SCIN: variants seen among roughly 807,000 people sequenced by gnomAD.
The protein encoded by SCIN is adseverin.
Under a neutral mutation model 91.8 loss-of-function variants are expected in SCIN, and 91 were observed. That is an observed-to-expected ratio of 0.99 (90% CI 0.84 to 1.18). The LOEUF (loss-of-function observed/expected upper bound fraction) is 1.18. Among genes scored for constraint, SCIN ranks in the 50% most tolerant of loss-of-function variants. SCIN has a pLI of 0.00. For synonymous variants in SCIN, 367 were observed against 312.6 expected (o/e 1.17, Z -1.84); for missense variants, 1,087 against 863.9 (o/e 1.26, Z -3.24).
Position 12,654,882 on chromosome 7 carries a change from T to C in SCIN, c.*2167T>C, listed in dbSNP as rs779793186. The stretch of plus-strand genomic sequence containing the variant: ...GCAGGGTTTTAACCTGCCCAAAGGA[T>C]GGAAAAAGAAGAACATAAGCATAAT... On this transcript the variant is annotated 3_prime_UTR_variant, in exon 16 of 16. Coordinates refer to ENST00000297029, the MANE Select transcript of SCIN (RefSeq NM_001112706.3). The C allele has an allele frequency of 6.6e-6, 1 of 152,112 alleles. No homozygotes were observed. Among genetic ancestry groups the C allele is most frequent in the East Asian group, 1.9e-4 (1 of 5,192 alleles). 9.4% of individuals were successfully genotyped at this position (152,112 alleles called of 1,614,324 possible).
chr7:12,576,566 G>A (rs1015452341), intron 1 of SCIN, among the ~76,000 whole-genome samples: 1 of 152,128 alleles, frequency 6.6e-6, no homozygotes, highest in Non-Finnish European at 1.5e-5. Flanking sequence ...TTATGCATCA[G>A]TTATCTATGG....
At position 12,603,643 on chromosome 7, in the gene SCIN, T is replaced by A. The variant is rs576516970; in HGVS notation, c.517-871T>A. On this transcript the variant is annotated intron_variant, in intron 3 of 15. Transcript: ENST00000297029. ...ATTTTACGTTTGTATCCTTATACCTTCTGGACACTATACCAAAATCTACAA... is the reference window on the plus strand; with the variant it reads ...ATTTTACGTTTGTATCCTTATACCTACTGGACACTATACCAAAATCTACAA... 2.0e-5 allele frequency among the ~76,000 whole-genome samples: 3 copies of A among 152,268 alleles called. No homozygotes were observed. The South Asian group carries it at 6.2e-4, about 32-fold the overall frequency.
At chr7:12,607,660 T>C (rs1234062494) in intron 4 of SCIN, among the ~76,000 whole-genome samples, 1 of 152,218 alleles carries the variant, frequency 6.6e-6, no homozygotes, top group Non-Finnish European at 1.5e-5. Context: ...ATACTACATT[T>C]TATTTGACTG....
chr7:12,574,376 G>A lies in SCIN; in HGVS notation c.199+3391G>A, dbSNP rs1782327697. ...GGCATTGCCGTTGGTTACAGATAGG[G>A]TGAAGAGGGGATGATGTGGGCAGGA... On this transcript the variant is annotated intron_variant, in intron 1 of 15. Coordinates refer to ENST00000297029, the MANE Select transcript of SCIN (RefSeq NM_001112706.3). Among the ~76,000 whole-genome samples, 4 of 152,128 alleles carry A rather than the reference G, an allele frequency of 2.6e-5. No homozygotes were observed. The South Asian group carries it at 8.3e-4, about 31-fold the overall frequency.
chr7:12,627,709 C>T (rs185918968), intron 8 of SCIN, among the ~76,000 whole-genome samples: 213 of 152,250 alleles, frequency 1.4e-3, no homozygotes, highest in African/African-American at 4.9e-3. Flanking sequence ...TGGCTGTTGT[C>T]AGAGGGGTAT....
rs1361813540 is a variant in SCIN at position 12,581,104 on chromosome 7, C to G, written c.399C>G (p.Asp133Glu). ...ASGLNHVLTN[D>E]LTAKRLLHVK... ...GATTAAATCATGTTCTTACGAACGA[C>G]CTGACAGCCAAGAGGCTCCTACATG... The change falls in exon 3 of 16, where the codon GAC becomes GAG. Residue 133 changes from aspartate (D) to glutamate (E), a missense_variant. Coordinates refer to ENST00000297029, the MANE Select transcript of SCIN (RefSeq NM_001112706.3). 6 of 1,551,272 alleles carry G rather than the reference C, an allele frequency of 3.9e-6. No individual in the cohort carries two copies. The highest frequency in any genetic ancestry group is 5.2e-6 in the Non-Finnish European group (6 of 1,146,812).
At chr7:12,615,724 C>T (rs895390129) in intron 4 of SCIN, among the ~76,000 whole-genome samples, 7 of 151,854 alleles carry the variant, frequency 4.6e-5, no homozygotes, top group Admixed American at 3.9e-4. Context: ...AAAGAATATA[C>T]ATTTTCTTAA....
At position 12,644,275 on chromosome 7, in the gene SCIN, A is replaced by G. The variant is rs1061890; in HGVS notation, c.1719A>G (p.Leu573=). 1.2e-5 allele frequency: 19 copies of G among 1,598,446 alleles called. No homozygotes were observed. In the East Asian group the frequency reaches 1.6e-4, roughly 13 times the overall value. Residue 573 remains leucine (L), a synonymous_variant, in exon 12 of 16, where the codon CTA becomes CTG. Coordinates refer to ENST00000297029, the MANE Select transcript of SCIN (RefSeq NM_001112706.3). ...EKGAEYVASV[L]KCKTLRIQEG... is the part of the protein sequence containing the mutation. ...GAGCAGAGTATGTAGCAAGTGTCCTAAAGTGCAAAACCTTAAGGATCCAAG... is the reference window on the plus strand; with the variant it reads ...GAGCAGAGTATGTAGCAAGTGTCCTGAAGTGCAAAACCTTAAGGATCCAAG...
Position 12,649,506 on chromosome 7 carries a change from G to A in SCIN, c.1921G>A (p.Ala641Thr). 2 of 1,603,458 alleles carry A rather than the reference G, an allele frequency of 1.2e-6. No individual in the cohort carries two copies. Among genetic ancestry groups the A allele is most frequent in the Non-Finnish European group, 1.7e-6 (2 of 1,174,506 alleles). Residue 641 changes from alanine (A) to threonine (T), a missense_variant, in exon 14 of 16, where the codon GCT becomes ACT. Transcript: ENST00000297029. ...IPGEFTQDDL[A>T]EDDVMLLDAW... ...AGGAGAGTTCACCCAGGATGATTTAGCTGAAGATGATGTCATGTTACTAGA... is the reference window on the plus strand; with the variant it reads ...AGGAGAGTTCACCCAGGATGATTTAACTGAAGATGATGTCATGTTACTAGA...
chr7:12,591,998 C>G (rs1174923882), intron 3 of SCIN, among the ~76,000 whole-genome samples: 1 of 152,078 alleles, frequency 6.6e-6, no homozygotes, highest in Non-Finnish European at 1.5e-5. Context: ...TTGAAGATGA[C>G]TGGGAGACAG....
chr7:12,626,452 T>C (rs1337814437), intron 7 of SCIN, 132 bp from the exon 8 acceptor site: 3 of 698,646 alleles, frequency 4.3e-6, no homozygotes, highest in South Asian at 4.3e-5. Context: ...AAAAGCAATT[T>C]TGGATTATAT....
At chr7:12,600,988 G>A (rs1337336347) in intron 3 of SCIN, among the ~76,000 whole-genome samples, 1 of 152,180 alleles carries the variant, frequency 6.6e-6, no homozygotes, top group Admixed American at 6.5e-5. Context: ...ATGCCCAGAT[G>A]TAGAAAAGAG....
chr7:12,626,886 T>G (rs1424385701), intron 8 of SCIN, 87 bp downstream of exon 8: 1 of 1,193,586 alleles, frequency 8.4e-7, no homozygotes, highest in African/African-American at 1.5e-5. Flanking sequence ...GGACAGGAGT[T>G]CGAGATCAGC....
chr7:12,647,241 T>C (rs1264741129), intron 13 of SCIN, among the ~76,000 whole-genome samples: 2 of 152,244 alleles, frequency 1.3e-5, no homozygotes, highest in Non-Finnish European at 2.9e-5. Context: ...AAGAGAAATA[T>C]ACATTTCCTC....
intron 8 of SCIN, 54 bp downstream of exon 8, chr7:12,626,853 G>A: frequency 7.0e-7 from 1 of 1,433,574 alleles, no homozygotes; most frequent in South Asian, 1.2e-5. Flanking sequence ...GTATGTAGGG[G>A]GAGGGTGGGG....
At chr7:12,645,818 G>T (rs1313496334) in intron 13 of SCIN, among the ~76,000 whole-genome samples, 1 of 152,152 alleles carries the variant, frequency 6.6e-6, no homozygotes. Flanking sequence ...TTAATGTTGT[G>T]ATGTCCTATA....
chr7:12,576,065 G>T (rs1484535691), intron 1 of SCIN, among the ~76,000 whole-genome samples: 3 of 152,118 alleles, frequency 2.0e-5, no homozygotes, highest in African/African-American at 7.2e-5. Flanking sequence ...AGAGATTCAG[G>T]TTTCAACCTG....
Position 12,651,515 on chromosome 7 carries a change from G to A in SCIN, c.1960-326G>A, listed in dbSNP as rs1273200579. On this transcript the variant is annotated intron_variant, in intron 14 of 15. Transcript: ENST00000297029. This position sits in a 1 kb window ranked among gnomAD's most constrained non-coding sequence, Gnocchi z 5.9. The stretch of plus-strand genomic sequence containing the variant: ...TTCGACTGCTGTCACACCCTAGGGG[G>A]TGGATGAAAAAAAAAAGTCCACCCA... Among the ~76,000 whole-genome samples the A allele has an allele frequency of 6.6e-6, 1 of 150,904 alleles. No individual in the cohort carries two copies. Among genetic ancestry groups the A allele is most frequent in the Admixed American group, 6.6e-5 (1 of 15,168 alleles).
At chr7:12,625,246 A>T in intron 6 of SCIN, 104 bp downstream of exon 6, 1 of 1,052,762 alleles carries the variant, frequency 9.5e-7, no homozygotes, top group Non-Finnish European at 1.3e-6. Flanking sequence ...CCCACCTTTT[A>T]ATTAAGACAT....
Sources: allele counts gnomAD v4.1 joint callset (sites outside exome capture counted in the v4.1 genomes callset), GRCh38; gene constraint gnomAD v4.1.1; non-coding constraint Gnocchi (gnomAD v3.1); transcripts MANE v1.5; gene names NCBI Gene and HGNC (gene_info 2026-07-23, HGNC 2026-07-21).